Variants in RCAN2 observed in about 807,000 individuals in gnomAD.
RCAN2 encodes regulator of calcineurin 2.
Under a neutral mutation model 23.6 loss-of-function variants are expected in RCAN2, and 9 were observed. The observed-to-expected ratio is 0.38, with a 90% CI of 0.23 to 0.67. The LOEUF (loss-of-function observed/expected upper bound fraction) is 0.67, where lower values mean the gene tolerates loss of function less well. Ranked by LOEUF, RCAN2 falls within the 30% of genes least tolerant of loss-of-function variation. RCAN2 has a pLI of 0.51. For missense variants in RCAN2, 273 were observed against 302.3 expected (o/e 0.90, Z 0.72); for synonymous variants, 109 against 115.7 (o/e 0.94, Z 0.37).
At chr6:46,374,585 T>G (rs1188064567) in intron 2 of RCAN2, among the ~76,000 whole-genome samples, 1 of 152,154 alleles carries the variant, frequency 6.6e-6, no homozygotes, top group African/African-American at 2.4e-5. Flanking sequence ...GATCTAAAAT[T>G]TGATAAAAAG....
intron 2 of RCAN2, among the ~76,000 whole-genome samples, chr6:46,403,952 T>C (rs1766328843): frequency 6.6e-6 from 1 of 152,142 alleles, no homozygotes; most frequent in African/African-American, 2.4e-5. Context: ...CCAGGTGCGC[T>C]GGCTCACGCC....
intron 2 of RCAN2, among the ~76,000 whole-genome samples, chr6:46,386,376 A>G (rs1296612227): frequency 6.6e-6 from 1 of 152,024 alleles, no homozygotes; most frequent in Non-Finnish European, 1.5e-5. Flanking sequence ...AGGCGAGTGA[A>G]TCACCTGAGG....
At chr6:46,364,290 T>C (rs1765101968) in intron 2 of RCAN2, among the ~76,000 whole-genome samples, 1 of 152,178 alleles carries the variant, frequency 6.6e-6, no homozygotes, top group Admixed American at 6.5e-5. Flanking sequence ...ACATTCAAAA[T>C]GTAAATTTCC....
At chr6:46,275,399 C>T (rs1767660770) in intron 2 of RCAN2, among the ~76,000 whole-genome samples, 1 of 152,178 alleles carries the variant, frequency 6.6e-6, no homozygotes, top group African/African-American at 2.4e-5. Context: ...CTCTATGCCC[C>T]ACTAAAGCTC....
At chr6:46,447,120 T>G (rs1397803758) in intron 2 of RCAN2, among the ~76,000 whole-genome samples, 1 of 151,672 alleles carries the variant, frequency 6.6e-6, no homozygotes, top group African/African-American at 2.4e-5. Context: ...ACATATATAC[T>G]AAAAGGGAAG....
intron 2 of RCAN2, among the ~76,000 whole-genome samples, chr6:46,377,625 A>G (rs1336522218): frequency 6.6e-6 from 1 of 152,216 alleles, no homozygotes; most frequent in Non-Finnish European, 1.5e-5. Flanking sequence ...CCCTATCAAT[A>G]CTATTTAGGT....
At chr6:46,460,951 G>A (rs1016145109) in intron 1 of RCAN2, among the ~76,000 whole-genome samples, 4 of 152,112 alleles carry the variant, frequency 2.6e-5, no homozygotes, top group African/African-American at 9.7e-5. Flanking sequence ...ATGAAAGATA[G>A]CAAGAATCAC....
At chr6:46,384,504 A>G (rs1765691597) in intron 2 of RCAN2, among the ~76,000 whole-genome samples, 1 of 152,176 alleles carries the variant, frequency 6.6e-6, no homozygotes, top group African/African-American at 2.4e-5. Flanking sequence ...GGACATTCCT[A>G]TTATCCTAAG....
At chr6:46,473,913 CTT>C (rs1307275242) in intron 1 of RCAN2, among the ~76,000 whole-genome samples, 1 of 152,144 alleles carries the variant, frequency 6.6e-6, no homozygotes. Context: ...ACATATTTCT[CTT>C]TAAAATAACA....
At chr6:46,313,275 C>T (rs1049869097) in intron 2 of RCAN2, among the ~76,000 whole-genome samples, 4 of 152,186 alleles carry the variant, frequency 2.6e-5, no homozygotes, top group African/African-American at 9.7e-5. Flanking sequence ...ATGTTCTACT[C>T]TCTATGTACT....
intron 1 of RCAN2, among the ~76,000 whole-genome samples, chr6:46,478,142 G>A (rs868260068): frequency 3.3e-5 from 5 of 152,310 alleles, no homozygotes; most frequent in Admixed American, 6.5e-5. Context: ...AGCAACTCCA[G>A]TGATCATTTT....
chr6:46,357,569 T>C (rs546672811), intron 2 of RCAN2, among the ~76,000 whole-genome samples: 1 of 152,240 alleles, frequency 6.6e-6, no homozygotes, highest in Non-Finnish European at 1.5e-5. Context: ...TATTGCTTAT[T>C]GCATGTCAGG....
At chr6:46,429,555 G>T (rs774610987) in intron 2 of RCAN2, among the ~76,000 whole-genome samples, 8 of 152,138 alleles carry the variant, frequency 5.3e-5, no homozygotes, top group Non-Finnish European at 1.2e-4. Context: ...AGAGAAATAG[G>T]TTCCATATGA....
chr6:46,298,724 G>T (rs1256258236), intron 2 of RCAN2, among the ~76,000 whole-genome samples: 1 of 152,044 alleles, frequency 6.6e-6, no homozygotes, highest in African/African-American at 2.4e-5. Context: ...ACTTAAAACA[G>T]AACTACTATT....
intron 2 of RCAN2, among the ~76,000 whole-genome samples, chr6:46,360,444 G>A (rs1433833349): frequency 7.0e-6 from 1 of 142,790 alleles, no homozygotes; most frequent in Non-Finnish European, 1.5e-5. Flanking sequence ...TGAGGCAGGA[G>A]AATGGTGTGA....
At chr6:46,426,740 C>T (rs1326193453) in intron 2 of RCAN2, among the ~76,000 whole-genome samples, 1 of 152,096 alleles carries the variant, frequency 6.6e-6, no homozygotes, top group Non-Finnish European at 1.5e-5. Context: ...GTAAACAGAT[C>T]AGGTGTTCAA....
chr6:46,420,618 C>T (rs956288941), intron 2 of RCAN2, among the ~76,000 whole-genome samples: 1 of 149,920 alleles, frequency 6.7e-6, no homozygotes, highest in African/African-American at 2.5e-5. Flanking sequence ...AATCTCGGCT[C>T]ACTGCAACCT....
chr6:46,445,274 C>T (rs919940581), intron 2 of RCAN2, among the ~76,000 whole-genome samples: 6 of 152,086 alleles, frequency 3.9e-5, no homozygotes, highest in African/African-American at 1.2e-4. Context: ...TACGTTTATC[C>T]CAGTAGATCC....
intron 2 of RCAN2, among the ~76,000 whole-genome samples, chr6:46,348,867 C>T (rs982101876): frequency 6.6e-6 from 1 of 152,070 alleles, no homozygotes; most frequent in East Asian, 1.9e-4. Flanking sequence ...AAGACATATT[C>T]CCCCAATTAT....
Sources: allele counts gnomAD v4.1 joint callset (sites outside exome capture counted in the v4.1 genomes callset), GRCh38; gene constraint gnomAD v4.1.1; transcripts MANE v1.5; gene names NCBI Gene and HGNC (gene_info 2026-07-23, HGNC 2026-07-21).